The following CFAP53 variants were observed in gnomAD, a reference collection of about 807,000 sequenced individuals.
CFAP53 encodes cilia and flagella associated protein 53.
In CFAP53, 62 loss-of-function variants were observed where a neutral mutation model predicts 59.7. That is an observed-to-expected ratio of 1.04 (90% CI 0.85 to 1.28). The LOEUF (loss-of-function observed/expected upper bound fraction) is 1.28. Ranked by LOEUF, CFAP53 falls within the 50% of genes most tolerant of loss-of-function variation. CFAP53 has a pLI of 0.00. For missense variants in CFAP53, 629 were observed against 615.6 expected (o/e 1.02, Z -0.23); for synonymous variants, 218 against 205.7 (o/e 1.06, Z -0.51).
intron 3 of CFAP53, among the ~76,000 whole-genome samples, chr18:50,254,375 C>T (rs2033828348): frequency 6.6e-6 from 1 of 152,086 alleles, no homozygotes; most frequent in South Asian, 2.1e-4. Context: ...AGTTGCTCAA[C>T]ATCACCAGCC....
chr18:50,254,676 G>A (rs548801457), intron 3 of CFAP53, among the ~76,000 whole-genome samples: 1 of 152,284 alleles, frequency 6.6e-6, no homozygotes, highest in African/African-American at 2.4e-5. Context: ...ATCACCTAAG[G>A]TCGGGAGTTC....
rs771184750 is a variant in CFAP53, at chr18:50,250,907, C to A, written c.847G>T (p.Glu283Ter). 2.5e-6 allele frequency: 4 copies of A among 1,614,050 alleles called. No individual in the cohort carries two copies. The highest frequency in any genetic ancestry group is 3.4e-6 in the Non-Finnish European group (4 of 1,180,026). The change falls in exon 5 of 8, where the codon GAA becomes TAA. Residue 283 changes from glutamate to a stop codon, truncating the protein, a stop_gained. Coordinates refer to ENST00000398545, the MANE Select transcript of CFAP53 (RefSeq NM_145020.5). LOFTEE classifies it high-confidence loss of function. ...DMLKKQKAKQ[E>*]TRTILQKALQ... ...GCTTTTTGCAAAATGGTCCTAGTTT[C>A]CTGCTTTGCCTTCTGTTTCTTTAGC...
chr18:50,243,225 T>C (rs573972963), intron 5 of CFAP53, 109 bp from the exon 6 acceptor site: 1 of 730,464 alleles, frequency 1.4e-6, no homozygotes, highest in East Asian at 2.6e-5. Context: ...TTTAGAACTA[T>C]GTACTGAAAC....
At chr18:50,237,718 G>C (rs923934412) in intron 7 of CFAP53, among the ~76,000 whole-genome samples, 1 of 152,052 alleles carries the variant, frequency 6.6e-6, no homozygotes, top group Non-Finnish European at 1.5e-5. Context: ...AAAAACTGCA[G>C]GGAGGTAGCT....
chr18:50,237,304 CAAAAAAAAAAA>C (rs143356494), intron 7 of CFAP53, among the ~76,000 whole-genome samples: 2 of 9,336 alleles, frequency 2.1e-4, no homozygotes, highest in Non-Finnish European at 2.6e-4. Flanking sequence ...GACTCCATCT[CAAAAAAAAAAA>C]AAAAAAAAAA....
In CFAP53 at chr18:50,245,462, C is replaced by T. The variant is rs2033735697; in HGVS notation, c.997-2346G>A. On this transcript the variant is annotated intron_variant, in intron 5 of 7. Coordinates refer to ENST00000398545, the MANE Select transcript of CFAP53 (RefSeq NM_145020.5). ...GGATACAAGACCAATATACAAAACTCCTTGTATTCCTATTTGACAGCATCA... is the reference window on the plus strand; with the variant it reads ...GGATACAAGACCAATATACAAAACTTCTTGTATTCCTATTTGACAGCATCA... Among the ~76,000 whole-genome samples, 3 of 151,652 alleles carry T rather than the reference C, an allele frequency of 2.0e-5. No homozygotes were observed. In the South Asian group the frequency reaches 6.3e-4, roughly 32 times the overall value.
intron 6 of CFAP53, among the ~76,000 whole-genome samples, chr18:50,239,427 CAAAG>C (rs1310659686): frequency 6.6e-6 from 1 of 152,030 alleles, no homozygotes; most frequent in Non-Finnish European, 1.5e-5. Flanking sequence ...AAAAAAAAGA[CAAAG>C]GAAACAGAGT....
intron 4 of CFAP53, among the ~76,000 whole-genome samples, 172 bp from the exon 5 acceptor site, chr18:50,251,148 CTG>C (rs1330373829): frequency 6.6e-6 from 1 of 152,206 alleles, no homozygotes; most frequent in Non-Finnish European, 1.5e-5. Flanking sequence ...AGCAATAAAA[CTG>C]TGAAAATTGC....
Position 50,266,488 on chromosome 18 carries a change from A to T in CFAP53, c.-84T>A. 7.2e-7 allele frequency: 1 copy of T among 1,389,478 alleles called. No homozygotes were observed. Among genetic ancestry groups the T allele is most frequent in the Non-Finnish European group, 1.0e-6 (1 of 975,836 alleles). 86.1% of individuals were successfully genotyped at this position (1,389,478 alleles called of 1,614,324 possible). On this transcript the variant is annotated 5_prime_UTR_variant, in exon 1 of 8. Coordinates refer to ENST00000398545, the MANE Select transcript of CFAP53 (RefSeq NM_145020.5). ...CCTGCGGGACCCGCTTCCGCGACGC[A>T]GAAGTCTGGTTGCCATGGTGCGCCT...
At chr18:50,239,324 A>C (rs911978916) in intron 6 of CFAP53, among the ~76,000 whole-genome samples, 1 of 151,954 alleles carries the variant, frequency 6.6e-6, no homozygotes, top group Non-Finnish European at 1.5e-5. Flanking sequence ...ACTGCATTCC[A>C]GCCTGGGCAA....
At chr18:50,230,462 G>T (rs2033571201) in intron 7 of CFAP53, among the ~76,000 whole-genome samples, 1 of 152,226 alleles carries the variant, frequency 6.6e-6, no homozygotes, top group Non-Finnish European at 1.5e-5. Context: ...CCCGCAGAGA[G>T]CACGGAAGCC....
intron 1 of CFAP53, 114 bp from the exon 2 acceptor site, chr18:50,262,333 TA>T (rs1370242971): frequency 1.3e-6 from 1 of 768,202 alleles, no homozygotes; most frequent in Non-Finnish European, 2.1e-6. Context: ...TATAAAAAAC[TA>T]ATACATCCTA....
intron 3 of CFAP53, among the ~76,000 whole-genome samples, chr18:50,257,442 T>C (rs1472936007): frequency 2.6e-5 from 4 of 152,122 alleles, no homozygotes; most frequent in East Asian, 1.9e-4. Flanking sequence ...AAAATCAACA[T>C]ACAAAAACCA....
At chr18:50,251,850 C>A in intron 3 of CFAP53, 66 bp from the exon 4 acceptor site, 1 of 1,339,918 alleles carries the variant, frequency 7.5e-7, no homozygotes, top group South Asian at 1.3e-5. Flanking sequence ...TTGAGGCACA[C>A]ATCTGTACAA....
At chr18:50,232,743 T>G (rs1362454322) in intron 7 of CFAP53, among the ~76,000 whole-genome samples, 1 of 152,234 alleles carries the variant, frequency 6.6e-6, no homozygotes, top group Non-Finnish European at 1.5e-5. Flanking sequence ...CCACACCTTG[T>G]AGGTCTGGGG....
chr18:50,250,306 A>G (rs1214686503), intron 5 of CFAP53, among the ~76,000 whole-genome samples: 1 of 152,202 alleles, frequency 6.6e-6, no homozygotes, highest in Non-Finnish European at 1.5e-5. Context: ...TAAAAACAAG[A>G]AAAAGCACTT....
At chr18:50,231,977 T>C (rs1461672159) in intron 7 of CFAP53, among the ~76,000 whole-genome samples, 1 of 152,156 alleles carries the variant, frequency 6.6e-6, no homozygotes, top group East Asian at 1.9e-4. Context: ...CCCATTTTCC[T>C]TGTACCTGGA....
intron 6 of CFAP53, among the ~76,000 whole-genome samples, chr18:50,239,396 A>G (rs2033667435): frequency 6.6e-6 from 1 of 152,124 alleles, no homozygotes; most frequent in Non-Finnish European, 1.5e-5. Flanking sequence ...GTAAGTTAAA[A>G]ATATTTAAGC....
At chr18:50,245,307 A>C (rs915141768) in intron 5 of CFAP53, among the ~76,000 whole-genome samples, 1 of 148,510 alleles carries the variant, frequency 6.7e-6, no homozygotes, top group Non-Finnish European at 1.5e-5. Context: ...GCGTGAACCC[A>C]GGAAGCGGAG....
Sources: allele counts gnomAD v4.1 joint callset (sites outside exome capture counted in the v4.1 genomes callset), GRCh38; gene constraint gnomAD v4.1.1; transcripts MANE v1.5; gene names NCBI Gene and HGNC (gene_info 2026-07-23, HGNC 2026-07-21).